The following CALN1 variants were observed in gnomAD, a reference collection of about 807,000 sequenced individuals.
CALN1 encodes the protein calneuron 1.
CALN1 carries 17 observed loss-of-function variants against 30.6 expected under a neutral mutation model. That is an observed-to-expected ratio of 0.56 (90% CI 0.38 to 0.83). The LOEUF is 0.83. CALN1 is among the 40% of genes least tolerant of loss of function. The pLI is 0.00. For synonymous variants in CALN1, 156 were observed against 131.4 expected (o/e 1.19, Z -1.28); for missense variants, 291 against 354.9 (o/e 0.82, Z 1.45).
chr7:71,934,475 AC>A (rs1490154392), intron 5 of CALN1, among the ~76,000 whole-genome samples: 1 of 152,136 alleles, frequency 6.6e-6, no homozygotes, highest in African/African-American at 2.4e-5. Flanking sequence ...TTCTGGTGAG[AC>A]CTCAGGAAGC....
chr7:72,411,642 A>C (rs1807155426), intron 1 of CALN1, among the ~76,000 whole-genome samples: 1 of 152,372 alleles, frequency 6.6e-6, no homozygotes, highest in African/African-American at 2.4e-5. Context: ...AGGAAATACG[A>C]AAAGTCTTGT....
chr7:72,426,282 A>G (rs2129563852), intron 1 of CALN1, among the ~76,000 whole-genome samples: 1 of 152,332 alleles, frequency 6.6e-6, no homozygotes, highest in Admixed American at 6.5e-5. Flanking sequence ...CTGTGTCTCC[A>G]TCCAAATCTC....
intron 5 of CALN1, among the ~76,000 whole-genome samples, chr7:71,985,019 T>A (rs1798589805): frequency 6.6e-6 from 1 of 152,080 alleles, no homozygotes; most frequent in Admixed American, 6.5e-5. Context: ...AGTTATTATT[T>A]CTCTGCTTGC....
intron 5 of CALN1, among the ~76,000 whole-genome samples, chr7:71,904,717 A>G (rs566083962): frequency 7.9e-5 from 12 of 152,366 alleles, no homozygotes; most frequent in Non-Finnish European, 1.5e-4. Flanking sequence ...AATGATAACT[A>G]TTTGAGGTCA....
intron 2 of CALN1, among the ~76,000 whole-genome samples, chr7:72,361,177 C>CA (rs1803546145): frequency 6.6e-6 from 1 of 152,102 alleles, no homozygotes; most frequent in Non-Finnish European, 1.5e-5. Context: ...GATGAAGCAT[C>CA]AAATATCTCC....
intron 3 of CALN1, among the ~76,000 whole-genome samples, chr7:72,192,972 G>C (rs1790729189): frequency 6.6e-6 from 1 of 151,978 alleles, no homozygotes; most frequent in African/African-American, 2.4e-5. Context: ...CGGATCACTT[G>C]AGGTCAGGAG....
At chr7:72,223,078 G>T (rs1793423574) in intron 3 of CALN1, among the ~76,000 whole-genome samples, 1 of 152,134 alleles carries the variant, frequency 6.6e-6, no homozygotes, top group South Asian at 2.1e-4. Flanking sequence ...TGAGCTACAG[G>T]CTCCTGTTAA....
At position 72,289,479 on chromosome 7, in the gene CALN1, G is replaced by A. The variant is rs145319257; in HGVS notation, c.120-10669C>T. ...TGAAGGCAGTGATATACTGGTAAAT[G>A]TTTAGCACTTGGTCTCAAAAAGAAA... On this transcript the variant is annotated intron_variant, in intron 2 of 6. Transcript: ENST00000395275. Among the ~76,000 whole-genome samples the A allele has an allele frequency of 1.3e-3, 202 of 152,290 alleles. 1 individual carries two copies. The highest frequency in any genetic ancestry group is 4.6e-3 in the African/African-American group (192 of 41,558).
At chr7:72,299,890 T>C (rs1799137333) in intron 2 of CALN1, among the ~76,000 whole-genome samples, 1 of 151,126 alleles carries the variant, frequency 6.6e-6, no homozygotes. Flanking sequence ...TGTTTTGTTT[T>C]GTTTTTTTGT....
chr7:72,043,698 G>GA (rs1802276684), intron 4 of CALN1, among the ~76,000 whole-genome samples: 1 of 152,208 alleles, frequency 6.6e-6, no homozygotes, highest in African/African-American at 2.4e-5. Context: ...TTGAGCCCAG[G>GA]AGTTTCAGGC....
At chr7:71,856,158 A>G (rs1254728422) in intron 5 of CALN1, among the ~76,000 whole-genome samples, 2 of 151,830 alleles carry the variant, frequency 1.3e-5, no homozygotes, top group Non-Finnish European at 2.9e-5. Flanking sequence ...ATGCATACAT[A>G]CATATATACA....
At chr7:72,446,856 CT>C (rs1808543031) in intron 1 of CALN1, among the ~76,000 whole-genome samples, 1 of 152,190 alleles carries the variant, frequency 6.6e-6, no homozygotes, top group Non-Finnish European at 1.5e-5. Flanking sequence ...CTCCCTACCC[CT>C]CCCCTTCCTC....
chr7:71,952,515 C>T (rs2129524218), intron 5 of CALN1, among the ~76,000 whole-genome samples: 1 of 152,326 alleles, frequency 6.6e-6, no homozygotes, highest in South Asian at 2.1e-4. Context: ...GGCGGCAATG[C>T]TCCCTTTTTG....
intron 3 of CALN1, among the ~76,000 whole-genome samples, chr7:72,238,990 G>A (rs1794661923): frequency 1.3e-5 from 2 of 152,324 alleles, no homozygotes; most frequent in East Asian, 3.9e-4. Flanking sequence ...AGGGCCCTCA[G>A]ACTCTTGCCC....
At chr7:71,911,420 T>C (rs2117002603) in intron 5 of CALN1, among the ~76,000 whole-genome samples, 1 of 152,314 alleles carries the variant, frequency 6.6e-6, no homozygotes, top group South Asian at 2.1e-4. Context: ...TGGATGCCTA[T>C]ATACTGTGTA....
intron 5 of CALN1, among the ~76,000 whole-genome samples, chr7:71,899,898 A>C (rs1793757508): frequency 6.6e-6 from 1 of 152,256 alleles, no homozygotes; most frequent in African/African-American, 2.4e-5. Context: ...TGTAAGCTCT[A>C]GAAGGACTGA....
chr7:71,811,044 G>T (rs899222360), intron 5 of CALN1, among the ~76,000 whole-genome samples: 1 of 151,746 alleles, frequency 6.6e-6, no homozygotes, highest in African/African-American at 2.4e-5. Flanking sequence ...ACAGGTGCCC[G>T]CCACCACGCC....
chr7:72,107,949 C>G (rs1171545098), intron 3 of CALN1, among the ~76,000 whole-genome samples: 6 of 152,156 alleles, frequency 3.9e-5, no homozygotes, highest in African/African-American at 7.2e-5. Flanking sequence ...TACTTACTAC[C>G]GCACTGAATA....
At chr7:72,184,279 G>A (rs11976625) in intron 3 of CALN1, among the ~76,000 whole-genome samples, 37,558 of 152,062 alleles carry the variant, frequency 0.25, 5,781 homozygotes, top group East Asian at 0.68. Context: ...AGTTTGAATC[G>A]TGACTCTAGC....
Sources: gnomAD v4.1 joint callset for allele counts (sites outside exome capture counted in the v4.1 genomes callset) on GRCh38, gnomAD v4.1.1 for gene constraint, MANE v1.5 for transcripts, NCBI Gene and HGNC (gene_info 2026-07-23, HGNC 2026-07-21) for gene names.